Variants in TET3 observed in about 807,000 individuals in gnomAD.
TET3 encodes methylcytosine dioxygenase TET3.
TET3 carries 19 observed loss-of-function variants against 141.4 expected under a neutral mutation model. The ratio of observed to expected loss-of-function variants is 0.13; its 90% confidence interval spans 0.09 to 0.20. The LOEUF (loss-of-function observed/expected upper bound fraction) is 0.20. TET3 is among the 10% of genes least tolerant of loss of function. The pLI, the probability that TET3 is intolerant of heterozygous loss-of-function variation, is 1.00. For synonymous variants in TET3, 1,043 were observed against 980.9 expected (o/e 1.06, Z -1.18); for missense variants, 1,874 against 2,356.9 (o/e 0.80, Z 4.24).
chr2:74,102,405 C>G lies in TET3; in HGVS notation c.*229C>G, dbSNP rs541336277. 1 of 504,938 alleles carries G rather than the reference C, an allele frequency of 2.0e-6. No homozygotes were observed. Among genetic ancestry groups the G allele is most frequent in the African/African-American group, 2.0e-5 (1 of 50,412 alleles). 31.3% of individuals were successfully genotyped at this position (504,938 alleles called of 1,614,324 possible). On this transcript the variant is annotated 3_prime_UTR_variant, in exon 12 of 12. Coordinates refer to ENST00000409262, the MANE Select transcript of TET3 (RefSeq NM_001287491.2). ...ACTTTGAAGAAGAAACTACGGCTGT[C>G]GGGTGATTTTTCCGTGATCTTAATA...
In TET3 at chr2:74,105,737, C is replaced by T. The variant is rs1293789057; in HGVS notation, c.*3561C>T. 3 of 202,106 alleles carry T rather than the reference C, an allele frequency of 1.5e-5. No homozygotes were observed. The highest frequency in any genetic ancestry group is 2.3e-5 in the African/African-American group (1 of 43,450). The allele number at this position is 202,106 out of a possible 1,614,324, so 12.5% of individuals were successfully genotyped here. On this transcript the variant is annotated 3_prime_UTR_variant, in exon 12 of 12. Coordinates refer to ENST00000409262, the MANE Select transcript of TET3 (RefSeq NM_001287491.2). ...AGTAGCAGAGCTTAACTGCTTTGTACCACACAGCAGTAGATGTGCAAGGAC... is the reference window on the plus strand; with the variant it reads ...AGTAGCAGAGCTTAACTGCTTTGTATCACACAGCAGTAGATGTGCAAGGAC...
Position 74,005,687 on chromosome 2 carries a change from T to C in TET3, c.360+2521T>C, listed in dbSNP as rs571428540. Among the ~76,000 whole-genome samples, 19 of 152,268 alleles carry C rather than the reference T, an allele frequency of 1.2e-4. 1 individual carries two copies. In the East Asian group the frequency reaches 1.9e-3, roughly 15 times the overall value. On this transcript the variant is annotated intron_variant, in intron 3 of 11. Transcript: ENST00000409262. ...AGCCCCATGGGAGAATGGTATCTGG[T>C]AGCCAGTGGGAATAGACACATATAC...
At chr2:73,997,448 G>A (rs757495034) in intron 2 of TET3, among the ~76,000 whole-genome samples, 3 of 152,178 alleles carry the variant, frequency 2.0e-5, no homozygotes, top group Non-Finnish European at 4.4e-5. Context: ...CTTACTGTGA[G>A]GGCTGGGTCC....
At chr2:74,124,161 G>C in the TET3 span, among the ~76,000 whole-genome samples, 2 of 151,884 alleles carry the variant, frequency 1.3e-5, no homozygotes, top group African/African-American at 2.4e-5. Flanking sequence ...CCCCATCTGG[G>C]AGGGAGGTGG....
At chr2:74,127,621 T>TA in the TET3 span, among the ~76,000 whole-genome samples, 1 of 151,936 alleles carries the variant, frequency 6.6e-6, no homozygotes, top group Non-Finnish European at 1.5e-5. Flanking sequence ...TTAAACACTG[T>TA]AAAAGCCTAA....
chr2:74,124,119 G>A, the TET3 span, among the ~76,000 whole-genome samples: 1 of 151,448 alleles, frequency 6.6e-6, no homozygotes, highest in Non-Finnish European at 1.5e-5. Flanking sequence ...CCCGGTCCAG[G>A]AGGTGGGGGG....
chr2:74,129,711 G>T, the TET3 span, among the ~76,000 whole-genome samples: 2 of 152,030 alleles, frequency 1.3e-5, no homozygotes, highest in East Asian at 3.9e-4. Context: ...ATCATCTTTT[G>T]TGCCCCCAAT....
the TET3 span, among the ~76,000 whole-genome samples, chr2:74,114,185 C>G: frequency 6.6e-6 from 1 of 152,026 alleles, no homozygotes; most frequent in Non-Finnish European, 1.5e-5. Context: ...GCAAAGATGC[C>G]AAGAATACTC....
intron 2 of TET3, among the ~76,000 whole-genome samples, chr2:73,988,995 T>G (rs1573622502): frequency 7.4e-6 from 1 of 135,506 alleles, no homozygotes. Flanking sequence ...AAAAAGTTTT[T>G]TTTGTTTTTT....
chr2:74,121,232 A>G, the TET3 span: 6 of 152,200 alleles, frequency 3.9e-5, no homozygotes, highest in African/African-American at 7.2e-5. Context: ...TTACTCATCA[A>G]TTCAAGAAAT....
chr2:73,984,969 C>T lies in TET3; in HGVS notation c.-613C>T, dbSNP rs1259510316. ...GCCGCCGCGGCCGCCGCTGCCTCTT[C>T]CTTCCTCCTGCGCCGTCCCCTCCTC... On this transcript the variant is annotated 5_prime_UTR_variant, in exon 1 of 12. Coordinates refer to ENST00000409262, the MANE Select transcript of TET3 (RefSeq NM_001287491.2). The surrounding 1 kb of genome is among the most constrained non-coding windows in gnomAD (Gnocchi z 5.6). Among the ~76,000 whole-genome samples, 1 of 147,020 alleles carries T rather than the reference C, an allele frequency of 6.8e-6. No homozygotes were observed. The highest frequency in any genetic ancestry group is 2.4e-5 in the African/African-American group (1 of 40,870).
chr2:74,079,214 G>T (rs1442851546), intron 5 of TET3, among the ~76,000 whole-genome samples: 2 of 152,206 alleles, frequency 1.3e-5, no homozygotes, highest in Non-Finnish European at 2.9e-5. Context: ...GGGCGTGGTG[G>T]CAGGCACCTG....
chr2:74,009,991 G>A (rs1685343403), intron 3 of TET3, among the ~76,000 whole-genome samples: 1 of 152,238 alleles, frequency 6.6e-6, no homozygotes, highest in Admixed American at 6.5e-5. Flanking sequence ...CCTGAGCCAG[G>A]TGCTACCTGA....
At chr2:74,031,410 T>G (rs1397401823) in intron 3 of TET3, among the ~76,000 whole-genome samples, 1 of 152,180 alleles carries the variant, frequency 6.6e-6, no homozygotes, top group Non-Finnish European at 1.5e-5. Context: ...CCTAGGTTCC[T>G]GTTCTGTTTC....
At chr2:74,108,910 A>G (rs149149283), downstream of TET3, among the ~76,000 whole-genome samples, 162 of 152,348 alleles carry the variant, frequency 1.1e-3, no homozygotes, top group African/African-American at 3.5e-3. Context: ...CATCTGAGTG[A>G]AAATACCATG....
chr2:74,046,362 C>T lies in TET3; in HGVS notation c.445C>T (p.Leu149=). 2 of 1,530,378 alleles carry T rather than the reference C, an allele frequency of 1.3e-6. No individual in the cohort carries two copies. Among genetic ancestry groups the T allele is most frequent in the Non-Finnish European group, 1.8e-6 (2 of 1,142,732 alleles). 94.8% of individuals were successfully genotyped at this position (1,530,378 alleles called of 1,614,324 possible). Residue 149 remains leucine (L), a synonymous_variant, in exon 4 of 12, where the codon CTA becomes TTA. Transcript: ENST00000409262. The surrounding 1 kb of genome is among the most constrained non-coding windows in gnomAD (Gnocchi z 4.3). ...AGTGTACCATGGGGACTCACGGCAG[C>T]TAAGCGCCTCAGGGGTGCCGGTCAA... The part of the protein sequence containing the change: ...GPVYHGDSRQ[L]SASGVPVNGA...
chr2:74,002,740 G>A lies in TET3; in HGVS notation c.304-370G>A, dbSNP rs765447736. 3.6e-5 allele frequency: 19 copies of A among 522,902 alleles called. No individual in the cohort carries two copies. The South Asian group carries it at 4.4e-4, about 12-fold the overall frequency. The allele number at this position is 522,902 out of a possible 1,614,324, so 32.4% of individuals were successfully genotyped here. A position where few individuals can be genotyped will look rare whatever the true frequency, so the allele number is the denominator to read the frequency against. ...TCCTCTGCAGTGCCTCCCTCCGTGC[G>A]CTCCCTCCGGCGGGGATAATGGGAG... On this transcript the variant is annotated intron_variant, in intron 2 of 11. Transcript: ENST00000409262.
At chr2:74,053,310 C>T (rs1470932289) in intron 4 of TET3, among the ~76,000 whole-genome samples, 1 of 152,164 alleles carries the variant, frequency 6.6e-6, no homozygotes, top group East Asian at 1.9e-4. Context: ...ACTGTTGTTC[C>T]CTTCGCCTTT....
At chr2:74,122,070 G>GA in the TET3 span, 1 of 152,060 alleles carries the variant, frequency 6.6e-6, no homozygotes, top group East Asian at 1.9e-4. Flanking sequence ...AACTGAAAAG[G>GA]AAAAAACTAC....
Sources: gnomAD v4.1 joint callset for allele counts (sites outside exome capture counted in the v4.1 genomes callset) on GRCh38, gnomAD v4.1.1 for gene constraint, Gnocchi (gnomAD v3.1) non-coding constraint, MANE v1.5 for transcripts, NCBI Gene and HGNC (gene_info 2026-07-23, HGNC 2026-07-21) for gene names.